ERICH1: variants seen among roughly 807,000 people sequenced by gnomAD.
ERICH1 encodes the protein glutamate rich 1.
A neutral mutation model predicts 39.6 loss-of-function variants in ERICH1; 56 were observed. The ratio of observed to expected loss-of-function variants is 1.41; its 90% CI spans 1.14 to 1.77. The LOEUF is 1.77. Among genes scored for constraint, ERICH1 ranks in the 40% most tolerant of loss-of-function variants. The pLI, the probability that ERICH1 is intolerant of heterozygous loss-of-function variation, is 0.00. For missense variants in ERICH1, 826 were observed against 575.4 expected (o/e 1.44, Z -4.45); for synonymous variants, 313 against 223.6 (o/e 1.40, Z -3.57).
intron 2 of ERICH1, 82 bp downstream of exon 2, chr8:715,779 A>G: frequency 1.3e-6 from 2 of 1,528,626 alleles, no homozygotes; most frequent in Non-Finnish European, 1.8e-6. Flanking sequence ...GAGGCCCAAA[A>G]GACACATTCT....
intron 3 of ERICH1, among the ~76,000 whole-genome samples, chr8:621,779 T>C (rs1404305623): frequency 1.3e-5 from 2 of 152,008 alleles, no homozygotes; most frequent in African/African-American, 2.4e-5. Context: ...AATGACCTTA[T>C]AAAAGTAAAA....
In ERICH1 at chr8:664,371, A is replaced by T. The variant is rs1308687585; in HGVS notation, c.*232T>A. On this transcript the variant is annotated 3_prime_UTR_variant, in exon 6 of 6. Coordinates refer to ENST00000262109, the MANE Select transcript of ERICH1 (RefSeq NM_207332.3). ...AAGTAGAGAAACAGAATCAAGTTTT[A>T]TGTAGTAATTCAAGATATATATAAT... 1 of 1,164,268 alleles carries T rather than the reference A, an allele frequency of 8.6e-7. No homozygotes were observed. Among genetic ancestry groups the T allele is most frequent in the East Asian group, 3.9e-5 (1 of 25,362 alleles). The allele number at this position is 1,164,268 out of a possible 1,614,324, so 72.1% of individuals were successfully genotyped here. A position where few individuals can be genotyped will look rare whatever the true frequency, so the allele number is the denominator to read the frequency against.
downstream of ERICH1, among the ~76,000 whole-genome samples, chr8:664,045 C>T (rs1801824004): frequency 6.6e-6 from 1 of 152,204 alleles, no homozygotes; most frequent in Non-Finnish European, 1.5e-5. Flanking sequence ...AGGCGTGAGC[C>T]ACCGCACCCG....
intron 1 of ERICH1, among the ~76,000 whole-genome samples, 199 bp downstream of exon 1, chr8:730,941 A>C (rs550796695): frequency 2.0e-5 from 3 of 152,262 alleles, no homozygotes; most frequent in African/African-American, 7.2e-5. Context: ...CCATGCAAGC[A>C]ACAACACGGG....
intron 2 of ERICH1, among the ~76,000 whole-genome samples, chr8:707,212 T>TC (rs1228284978): frequency 6.9e-6 from 1 of 144,690 alleles, no homozygotes; most frequent in Non-Finnish European, 1.5e-5. Flanking sequence ...TTGTTTCTTT[T>TC]TTTTTTTTTT....
rs1259232013 is a variant in ERICH1 at position 626,960 on chromosome 8, C to G, written c.977-11676G>C. ...GGACCCTCTGGAACCCCAACCCGAG[C>G]TGTGCCGTGGAGGAGGAAAGCACAG... On this transcript the variant is annotated intron_variant, in intron 3 of 3. Coordinates refer to the ERICH1 transcript ENST00000522706. The G allele has an allele frequency of 1.3e-5, 5 of 374,002 alleles. No homozygotes were observed. In the East Asian group the frequency reaches 3.7e-4, roughly 28 times the overall value. 23.2% of individuals were successfully genotyped at this position (374,002 alleles called of 1,614,324 possible).
chr8:691,423 G>A (rs1343908519), intron 3 of ERICH1, among the ~76,000 whole-genome samples: 1 of 152,258 alleles, frequency 6.6e-6, no homozygotes, highest in Admixed American at 6.5e-5. Flanking sequence ...GCACAGGCCT[G>A]TCCTGGGAAC....
At chr8:650,911 G>T (rs1335884896) in intron 3 of ERICH1, among the ~76,000 whole-genome samples, 1 of 152,210 alleles carries the variant, frequency 6.6e-6, no homozygotes, top group Non-Finnish European at 1.5e-5. Flanking sequence ...GTGTGACTGA[G>T]AAATAGATCT....
intron 3 of ERICH1, among the ~76,000 whole-genome samples, chr8:621,809 T>C (rs762461404): frequency 3.9e-5 from 6 of 152,186 alleles, no homozygotes; most frequent in Non-Finnish European, 8.8e-5. Context: ...AAGTGAATAA[T>C]ATCAACAATT....
At chr8:643,365 G>C (rs889880473) in intron 3 of ERICH1, among the ~76,000 whole-genome samples, 3 of 152,186 alleles carry the variant, frequency 2.0e-5, no homozygotes, top group Non-Finnish European at 4.4e-5. Context: ...AGAGGGAAAG[G>C]CTGACCCCCT....
rs56869575 is a variant in ERICH1 at position 630,815 on chromosome 8, A to G, written c.977-15531T>C. On this transcript the variant is annotated intron_variant, in intron 3 of 3. Coordinates refer to the ERICH1 transcript ENST00000522706. ...CACACCCTCCCGTGACCACCCACAC[A>G]GACAGAGCTGACACACACCCTCCCG... 5.9e-3 allele frequency among the ~76,000 whole-genome samples: 820 copies of G among 140,008 alleles called. 4 individuals carry two copies. The highest frequency in any genetic ancestry group is 0.022 in the African/African-American group (758 of 35,150). 91.9% of individuals were successfully genotyped at this position (140,008 alleles called of 152,430 possible). A position where few individuals can be genotyped will look rare whatever the true frequency, so the allele number is the denominator to read the frequency against.
Position 664,426 on chromosome 8 carries a change from C to A in ERICH1, c.*177G>T. 3.2e-6 allele frequency: 4 copies of A among 1,244,320 alleles called. No homozygotes were observed. The highest frequency in any genetic ancestry group is 3.0e-6 in the Non-Finnish European group (3 of 993,470). 77.1% of individuals were successfully genotyped at this position (1,244,320 alleles called of 1,614,324 possible). On this transcript the variant is annotated 3_prime_UTR_variant, in exon 6 of 6. Transcript: ENST00000262109. ...AATAAGTGAAAAATTTCCATTTTAC[C>A]CCAATTTCTCATCTGAAGCCTCAGA... is the stretch of plus-strand genomic sequence containing the variant.
At chr8:631,884 C>G (rs1006316384) in intron 3 of ERICH1, among the ~76,000 whole-genome samples, 1 of 152,088 alleles carries the variant, frequency 6.6e-6, no homozygotes, top group Admixed American at 6.5e-5. Flanking sequence ...TCAGTCAATG[C>G]TGTACTTGTT....
downstream of ERICH1, among the ~76,000 whole-genome samples, chr8:660,877 G>C (rs778344356): frequency 1.1e-4 from 17 of 151,998 alleles, no homozygotes; most frequent in African/African-American, 3.9e-4. Flanking sequence ...GGTGGTTCTC[G>C]GGCAGGCTCC....
chr8:666,220 C>T (rs1432253700), intron 5 of ERICH1: 1 of 152,136 alleles, frequency 6.6e-6, no homozygotes, highest in Non-Finnish European at 1.5e-5. Flanking sequence ...AAATTCCCCA[C>T]AACTGCCAAA....
intron 3 of ERICH1, among the ~76,000 whole-genome samples, chr8:634,865 G>A (rs1187249914): frequency 6.6e-6 from 1 of 152,222 alleles, no homozygotes; most frequent in African/African-American, 2.4e-5. Context: ...CAGCTCTATA[G>A]CCTCTCTCCT....
At chr8:686,519 T>A (rs564295730) in intron 3 of ERICH1, 13 of 152,340 alleles carry the variant, frequency 8.5e-5, no homozygotes, top group African/African-American at 2.9e-4. Flanking sequence ...AGTTCATGCC[T>A]GACACCCGGC....
intron 1 of ERICH1, among the ~76,000 whole-genome samples, chr8:719,452 T>C (rs920943275): frequency 7.9e-5 from 12 of 152,244 alleles, no homozygotes; most frequent in Non-Finnish European, 1.8e-4. Context: ...TGCCCACATC[T>C]GGCTGAGATG....
intron 3 of ERICH1, among the ~76,000 whole-genome samples, chr8:624,876 G>A (rs528752137): frequency 3.3e-5 from 5 of 152,082 alleles, no homozygotes; most frequent in South Asian, 4.2e-4. Flanking sequence ...ACAGGTGCCC[G>A]CCACCATGCC....
Sources: allele counts gnomAD v4.1 joint callset (sites outside exome capture counted in the v4.1 genomes callset), GRCh38; gene constraint gnomAD v4.1.1; transcripts MANE v1.5; gene names NCBI Gene and HGNC (gene_info 2026-07-23, HGNC 2026-07-21).